Variants in ARHGEF10 observed in about 807,000 individuals in gnomAD.
The protein encoded by ARHGEF10 is Rho guanine nucleotide exchange factor (GEF) 10.
A neutral mutation model predicts 147.4 loss-of-function variants in ARHGEF10; 140 were observed. The ratio of observed to expected loss-of-function variants is 0.95; its 90% confidence interval spans 0.83 to 1.09. The LOEUF is 1.09. Among genes scored for constraint, ARHGEF10 ranks in the 50% least tolerant of loss-of-function variants. The pLI, the probability that ARHGEF10 is intolerant of heterozygous loss-of-function variation, is 0.00. For missense variants in ARHGEF10, 2,222 were observed against 1,752.7 expected (o/e 1.27, Z -4.78); for synonymous variants, 902 against 695.8 (o/e 1.30, Z -4.67).
intron 26 of ARHGEF10, among the ~76,000 whole-genome samples, chr8:1,939,123 C>G (rs1813870468): frequency 6.6e-6 from 1 of 152,200 alleles, no homozygotes; most frequent in Non-Finnish European, 1.5e-5. Context: ...CCCGGAGACT[C>G]CTGAACACTG....
intron 10 of ARHGEF10, among the ~76,000 whole-genome samples, chr8:1,884,843 C>T (rs749127060): frequency 1.3e-5 from 2 of 152,202 alleles, no homozygotes; most frequent in Non-Finnish European, 2.9e-5. Context: ...CAGCTCACTG[C>T]AGCCTCCACC....
At chr8:1,823,722 G>A (rs1286539242), upstream of ARHGEF10, among the ~76,000 whole-genome samples, 2 of 151,560 alleles carry the variant, frequency 1.3e-5, no homozygotes, top group Non-Finnish European at 2.9e-5. Context: ...CCTCTGCCGC[G>A]CGCCCCCTCC....
At chr8:1,915,750 A>G (rs1811713804) in intron 18 of ARHGEF10, among the ~76,000 whole-genome samples, 1 of 152,238 alleles carries the variant, frequency 6.6e-6, no homozygotes, top group South Asian at 2.1e-4. Context: ...TAGGAGCTCA[A>G]CAGGAGGCAG....
chr8:1,922,725 G>A (rs1249066388), intron 18 of ARHGEF10, among the ~76,000 whole-genome samples: 4 of 152,192 alleles, frequency 2.6e-5, no homozygotes, highest in Admixed American at 2.6e-4. Context: ...CTCTGAGGAA[G>A]CCAGGCCTGG....
intron 1 of ARHGEF10, among the ~76,000 whole-genome samples, chr8:1,830,375 A>T (rs1803021724): frequency 6.6e-6 from 1 of 152,090 alleles, no homozygotes; most frequent in Non-Finnish European, 1.5e-5. Context: ...GGGCCGTGCA[A>T]ACACCTGCGA....
chr8:1,876,889 G>A (rs181635135), intron 8 of ARHGEF10, among the ~76,000 whole-genome samples, 155 bp downstream of exon 8: 1 of 152,380 alleles, frequency 6.6e-6, no homozygotes, highest in East Asian at 1.9e-4. Flanking sequence ...CAAAGGAGAA[G>A]ACGTGTCTTG....
chr8:1,854,895 G>A lies in ARHGEF10; in HGVS notation c.38-3065G>A, dbSNP rs1024051084. Among the ~76,000 whole-genome samples, 18 of 152,166 alleles carry A rather than the reference G, an allele frequency of 1.2e-4. 1 individual carries two copies. The highest frequency in any genetic ancestry group is 4.3e-4 in the African/African-American group (18 of 41,510). Reference sequence around the variant, plus strand: ...CGAGAACGCATGCGGTTCTTCTCAGGGTCATACCTGTACCTGGCACACGGG... The same window carrying A: ...CGAGAACGCATGCGGTTCTTCTCAGAGTCATACCTGTACCTGGCACACGGG... On this transcript the variant is annotated intron_variant, in intron 2 of 28. Transcript: ENST00000349830.
chr8:1,944,260 C>T (rs748921008), intron 26 of ARHGEF10, among the ~76,000 whole-genome samples: 16 of 152,228 alleles, frequency 1.1e-4, no homozygotes, highest in Non-Finnish European at 1.8e-4. Flanking sequence ...CGTGTCGCCT[C>T]CCTCGGGACC....
At chr8:1,871,955 G>A (rs1008477743) in intron 7 of ARHGEF10, among the ~76,000 whole-genome samples, 1 of 151,928 alleles carries the variant, frequency 6.6e-6, no homozygotes, top group African/African-American at 2.4e-5. Context: ...AATCCAGGAA[G>A]CAACATAAAG....
chr8:1,830,978 T>C (rs562494747), intron 1 of ARHGEF10, among the ~76,000 whole-genome samples: 2 of 152,184 alleles, frequency 1.3e-5, no homozygotes, highest in Non-Finnish European at 2.9e-5. Flanking sequence ...GCACCCAGCA[T>C]GTCCAGGAAC....
intron 28 of ARHGEF10, 99 bp from the exon 29 acceptor site, chr8:1,956,650 A>G: frequency 7.8e-7 from 1 of 1,275,234 alleles, no homozygotes; most frequent in Non-Finnish European, 1.1e-6. Flanking sequence ...TTATTTGGGC[A>G]GGGAGGAATG....
chr8:1,839,185 T>A (rs1803780415), intron 1 of ARHGEF10, among the ~76,000 whole-genome samples: 1 of 135,440 alleles, frequency 7.4e-6, no homozygotes, highest in African/African-American at 3.1e-5. Flanking sequence ...GTGTGGGGAC[T>A]GTCTGATGTG....
chr8:1,922,655 G>T (rs2129211132), intron 18 of ARHGEF10, among the ~76,000 whole-genome samples: 1 of 152,292 alleles, frequency 6.6e-6, no homozygotes, highest in Non-Finnish European at 1.5e-5. Flanking sequence ...AGTCAGGAGT[G>T]CCGTGTCATT....
intron 1 of ARHGEF10, among the ~76,000 whole-genome samples, chr8:1,827,080 G>C (rs890573755): frequency 2.0e-5 from 3 of 152,178 alleles, no homozygotes; most frequent in African/African-American, 7.2e-5. Context: ...TGGCAGACAG[G>C]GCCACAGCCC....
At chr8:1,826,697 C>G (rs538642162) in intron 1 of ARHGEF10, among the ~76,000 whole-genome samples, 1 of 152,184 alleles carries the variant, frequency 6.6e-6, no homozygotes, top group African/African-American at 2.4e-5. Flanking sequence ...GATGTGAAAA[C>G]GTCATAGTGA....
chr8:1,875,342 A>C (rs900496922), intron 7 of ARHGEF10, among the ~76,000 whole-genome samples: 76 of 152,198 alleles, frequency 5.0e-4, no homozygotes, highest in Admixed American at 5.0e-3. Flanking sequence ...TGAGTCCCCT[A>C]GTACATGGTA....
intron 2 of ARHGEF10, 96 bp downstream of exon 2, chr8:1,843,532 G>A (rs1804258987): frequency 1.1e-6 from 1 of 926,716 alleles, no homozygotes; most frequent in East Asian, 2.6e-5. Flanking sequence ...GCTGGTCACT[G>A]GGGTATGGGG....
chr8:1,907,174 C>A (rs1810964557), intron 17 of ARHGEF10, among the ~76,000 whole-genome samples: 1 of 152,184 alleles, frequency 6.6e-6, no homozygotes, highest in Non-Finnish European at 1.5e-5. Context: ...GTGTCTCCAC[C>A]CGTTTCCCTG....
intron 2 of ARHGEF10, among the ~76,000 whole-genome samples, chr8:1,855,099 G>A (rs978501518): frequency 1.3e-5 from 2 of 152,152 alleles, no homozygotes; most frequent in Non-Finnish European, 2.9e-5. Flanking sequence ...CCTTCTTCCT[G>A]TATGGGGTAC....
Sources: allele counts gnomAD v4.1 joint callset (sites outside exome capture counted in the v4.1 genomes callset), GRCh38; gene constraint gnomAD v4.1.1; transcripts MANE v1.5; gene names NCBI Gene and HGNC (gene_info 2026-07-23, HGNC 2026-07-21).